Variants in CRMP1 observed in about 807,000 individuals in gnomAD.
CRMP1 encodes dihydropyrimidinase-related protein 1.
A neutral mutation model predicts 68.3 loss-of-function variants in CRMP1; 19 were observed. The ratio of observed to expected loss-of-function variants is 0.28; its 90% CI spans 0.19 to 0.41. CRMP1 has a LOEUF of 0.41. Ranked by LOEUF, CRMP1 falls within the 10% of genes least tolerant of loss-of-function variation. CRMP1 has a pLI of 1.00. For synonymous variants in CRMP1, 439 were observed against 399.6 expected, an observed-to-expected ratio of 1.10 and a Z score of -1.18; for missense variants, 791 against 967.4, an observed-to-expected ratio of 0.82 and a Z score of 2.42.
At chr4:5,828,699 G>A (rs1470717879) in intron 11 of CRMP1, 31 bp from the exon 12 acceptor site, 3 of 1,605,858 alleles carry the variant, frequency 1.9e-6, no homozygotes, top group Non-Finnish European at 2.6e-6. Flanking sequence ...TTACTTCCCA[G>A]GATTTGCTCT....
rs754859554 is a variant in CRMP1, at chr4:5,866,175, T to C, written c.470+493A>G. ...GAAACTCCAGCCCCAATGTCTATCT[T>C]TTCTTTAAGTGCCAAGGCTGGGCTT... is the stretch of plus-strand genomic sequence containing the variant. On this transcript the variant is annotated intron_variant, in intron 2 of 13. Transcript: ENST00000324989. This position sits in a 1 kb window ranked among gnomAD's most constrained non-coding sequence, Gnocchi z 5.9. 2.6e-5 allele frequency among the ~76,000 whole-genome samples: 4 copies of C among 152,164 alleles called. No individual in the cohort carries two copies. Among genetic ancestry groups the C allele is most frequent in the Admixed American group, 1.3e-4 (2 of 15,270 alleles).
intron 12 of CRMP1, among the ~76,000 whole-genome samples, chr4:5,827,735 A>G (rs1043214334): frequency 9.7e-5 from 14 of 143,786 alleles, no homozygotes; most frequent in Non-Finnish European, 1.5e-4. Flanking sequence ...GTGCGCGTGC[A>G]CACACACACA....
In CRMP1 at chr4:5,888,215, G is replaced by T; in HGVS notation, c.381+4374C>A. ...AAGGCCAGCGCGGGGCGGCGGGGGC[G>T]GGGGCCGCTTACCGTGATGTGCGGG... On this transcript the variant is annotated intron_variant, in intron 1 of 13. Coordinates refer to ENST00000324989, the MANE Select transcript of CRMP1 (RefSeq NM_001014809.3). The surrounding 1 kb of genome is among the most constrained non-coding windows in gnomAD (Gnocchi z 6.4). 7.9e-7 allele frequency: 1 copy of T among 1,264,572 alleles called. No individual in the cohort carries two copies. The highest frequency in any genetic ancestry group is 3.1e-5 in the East Asian group (1 of 32,296). The allele number at this position is 1,264,572 out of a possible 1,614,324, so 78.3% of individuals were successfully genotyped here. A position where few individuals can be genotyped will look rare whatever the true frequency, so the allele number is the denominator to read the frequency against.
intron 1 of CRMP1, among the ~76,000 whole-genome samples, chr4:5,871,664 G>C (rs76608812): frequency 6.6e-6 from 1 of 151,370 alleles, no homozygotes; most frequent in African/African-American, 2.4e-5. Flanking sequence ...CCCGCTCCCC[G>C]CCCACCAAAA....
At chr4:5,847,012 A>C (rs1163099617) in intron 6 of CRMP1, among the ~76,000 whole-genome samples, 1 of 152,074 alleles carries the variant, frequency 6.6e-6, no homozygotes, top group Non-Finnish European at 1.5e-5. Flanking sequence ...GACTCAGAGG[A>C]TGGAAGCAGG....
chr4:5,861,078 A>T lies in CRMP1; in HGVS notation c.603T>A (p.Asp201Glu), dbSNP rs1713515717. ...QKPSQGMTAA[D>E]DFFQGTRAAL... is the part of the protein sequence containing the mutation. ...CCGCCCTGGTCCCTTGGAAGAAGTC[A>T]TCAGCCGCAGTCATCCCCTGGGAGG... is the stretch of plus-strand genomic sequence containing the variant. The change falls in exon 3 of 14, where the codon GAT becomes GAA. Residue 201 changes from aspartate to glutamate, a missense_variant. By Grantham distance (45) the Asp-to-Glu change is conservative. Around this residue, in one of 3 missense-constraint regions of CRMP1, gnomAD observed 594 missense variants for 763.6 expected, o/e 0.78. Transcript: ENST00000324989. The surrounding 1 kb of genome is among the most constrained non-coding windows in gnomAD (Gnocchi z 6.0). 1.2e-6 allele frequency: 2 copies of T among 1,614,234 alleles called. No individual in the cohort carries two copies. The highest frequency in any genetic ancestry group is 1.7e-6 in the Non-Finnish European group (2 of 1,180,044).
chr4:5,874,213 G>T (rs1412681150), intron 1 of CRMP1, among the ~76,000 whole-genome samples: 3 of 152,172 alleles, frequency 2.0e-5, no homozygotes, highest in African/African-American at 7.2e-5. Context: ...AATTACAATG[G>T]TATAACCACA....
chr4:5,892,739 C>T lies in CRMP1; in HGVS notation c.231G>A (p.Gly77=), dbSNP rs573072210. 3.3e-6 allele frequency: 4 copies of T among 1,225,162 alleles called. No homozygotes were observed. Among genetic ancestry groups the T allele is most frequent in the Admixed American group, 4.4e-5 (1 of 22,804 alleles). The allele number at this position is 1,225,162 out of a possible 1,614,324, so 75.9% of individuals were successfully genotyped here. A position where few individuals can be genotyped will look rare whatever the true frequency, so the allele number is the denominator to read the frequency against. The change falls in exon 1 of 14, where the codon GGG becomes GGA. Residue 77 remains glycine (G), a synonymous_variant. Transcript: ENST00000324989. This position sits in a 1 kb window ranked among gnomAD's most constrained non-coding sequence, Gnocchi z 8.6. ...AGRPDAVGLP[G]PGGSEDTASD... is the part of the protein sequence containing the mutation. The stretch of plus-strand genomic sequence containing the variant: ...TGGCCGTGTCCTCGCTGCCTCCCGG[C>T]CCTGGCAGCCCGACCGCGTCGGGCC...
rs557985362 is a variant in CRMP1 at position 5,840,746 on chromosome 4, C to T, written c.1153+562G>A. On this transcript the variant is annotated intron_variant, in intron 8 of 13. Transcript: ENST00000324989. ...TACCCGCTCCCGGCTGGTACCGCTT[C>T]CAGATTTCTGTAACCTCTCTGAGCC... 3.9e-5 allele frequency among the ~76,000 whole-genome samples: 6 copies of T among 152,328 alleles called. No individual in the cohort carries two copies. In the South Asian group the frequency reaches 1.2e-3, roughly 32 times the overall value.
chr4:5,882,690 G>C (rs890465116), intron 1 of CRMP1, among the ~76,000 whole-genome samples: 1 of 152,202 alleles, frequency 6.6e-6, no homozygotes, highest in African/African-American at 2.4e-5. Flanking sequence ...AGGATTCAAA[G>C]CCAGATAGTC....
At chr4:5,849,560 A>C (rs1224667930) in intron 5 of CRMP1, 88 bp from the exon 6 acceptor site, 7 of 849,268 alleles carry the variant, frequency 8.2e-6, no homozygotes, top group South Asian at 1.6e-5. Context: ...TTCCGATCAC[A>C]CCCATTCGGT....
At chr4:5,835,893 G>T (rs760312187) in intron 11 of CRMP1, 22 bp downstream of exon 11, 3 of 1,430,256 alleles carry the variant, frequency 2.1e-6, no homozygotes, top group South Asian at 1.7e-5. Flanking sequence ...TATCTCAGCA[G>T]CACAAATAGG....
At chr4:5,840,229 G>A (rs1279115181) in intron 8 of CRMP1, among the ~76,000 whole-genome samples, 1 of 152,214 alleles carries the variant, frequency 6.6e-6, no homozygotes, top group African/African-American at 2.4e-5. Flanking sequence ...CACCCCAGGG[G>A]AAAGGGAGTT....
chr4:5,843,341 A>G lies in CRMP1; in HGVS notation c.964-180T>C, dbSNP rs116314406. 0.092 allele frequency among the ~76,000 whole-genome samples: 14,018 copies of G among 152,104 alleles called. 706 individuals are homozygous for G. Among genetic ancestry groups the G allele is most frequent in the Non-Finnish European group, 0.11 (7,411 of 67,950 alleles). ...ACTGTGTCCCCTCCACTACACACCCATCCACCTTCCCCTTTGTAGCCCTGC... is the reference window on the plus strand; with the variant it reads ...ACTGTGTCCCCTCCACTACACACCCGTCCACCTTCCCCTTTGTAGCCCTGC... On this transcript the variant is annotated intron_variant, in intron 6 of 13. Transcript: ENST00000324989. This position sits in a 1 kb window ranked among gnomAD's most constrained non-coding sequence, Gnocchi z 4.1.
At position 5,860,780 on chromosome 4, in the gene CRMP1, TTAAAAA is replaced by T. The variant is rs1713492050; in HGVS notation, c.655+240_655+245del. On this transcript the variant is annotated intron_variant, in intron 3 of 13. Transcript: ENST00000324989. The surrounding 1 kb of genome is among the most constrained non-coding windows in gnomAD (Gnocchi z 4.2). ...TGAGATGTTGTTTTATTTCAATATTTTAAAAATAATTTTTTAAAATTGGTACCTATA... is the reference window on the plus strand; with the variant it reads ...TGAGATGTTGTTTTATTTCAATATTTTAATTTTTTAAAATTGGTACCTATA... Among the ~76,000 whole-genome samples the T allele has an allele frequency of 6.6e-6, 1 of 152,234 alleles. No homozygotes were observed. Among genetic ancestry groups the T allele is most frequent in the Non-Finnish European group, 1.5e-5 (1 of 68,048 alleles).
In CRMP1 at chr4:5,891,081, T is replaced by G. The variant is rs1450040672; in HGVS notation, c.381+1508A>C. 6.7e-6 allele frequency among the ~76,000 whole-genome samples: 1 copy of G among 150,186 alleles called. No homozygotes were observed. Among genetic ancestry groups the G allele is most frequent in the Non-Finnish European group, 1.5e-5 (1 of 67,634 alleles). On this transcript the variant is annotated intron_variant, in intron 1 of 13. Coordinates refer to ENST00000324989, the MANE Select transcript of CRMP1 (RefSeq NM_001014809.3). This position sits in a 1 kb window ranked among gnomAD's most constrained non-coding sequence, Gnocchi z 5.2. ...AGAGAGGTCGGACCACCAGGGAAGGTAGTGGACAGGGGGAGATACAGAAGG... is the reference window on the plus strand; with the variant it reads ...AGAGAGGTCGGACCACCAGGGAAGGGAGTGGACAGGGGGAGATACAGAAGG...
intron 1 of CRMP1, among the ~76,000 whole-genome samples, chr4:5,882,791 G>T (rs1345651662): frequency 6.6e-6 from 1 of 152,158 alleles, no homozygotes; most frequent in East Asian, 1.9e-4. Flanking sequence ...AACCAAAGAA[G>T]AAGATCAGAG....
chr4:5,842,594 TCTCTCA>T lies in CRMP1; in HGVS notation c.1032+493_1032+498del, dbSNP rs766661885. Reference sequence around the variant, plus strand: ...TGCACATGCACCCACACTCACACACTCTCTCACACACACACACACACACTCACTCAC... The same window carrying T: ...TGCACATGCACCCACACTCACACACTCACACACACACACACACTCACTCAC... On this transcript the variant is annotated intron_variant, in intron 7 of 13. Transcript: ENST00000324989. The surrounding 1 kb of genome is among the most constrained non-coding windows in gnomAD (Gnocchi z 4.5). 1.5e-4 allele frequency among the ~76,000 whole-genome samples: 16 copies of T among 103,964 alleles called. No individual in the cohort carries two copies. The highest frequency in any genetic ancestry group is 2.8e-4 in the African/African-American group (7 of 24,882). 68.2% of individuals were successfully genotyped at this position (103,964 alleles called of 152,430 possible). A position where few individuals can be genotyped will look rare whatever the true frequency, so the allele number is the denominator to read the frequency against.
chr4:5,825,490 C>G lies in CRMP1; in HGVS notation c.1969+4G>C, dbSNP rs376336209. The G allele has an allele frequency of 1.3e-6, 2 of 1,567,760 alleles. No individual in the cohort carries two copies. The highest frequency in any genetic ancestry group is 1.7e-6 in the Non-Finnish European group (2 of 1,164,056). ...GGGGAGCCTGGGCCACCACTCTTTC[C>G]TACCTGATAAGCTGAAGTTGGACTG... is the stretch of plus-strand genomic sequence containing the variant. On this transcript the variant is annotated splice_donor_region_variant and intron_variant, in intron 13 of 13. Coordinates refer to ENST00000324989, the MANE Select transcript of CRMP1 (RefSeq NM_001014809.3). The surrounding 1 kb of genome is among the most constrained non-coding windows in gnomAD (Gnocchi z 4.4).
Sources: gnomAD v4.1 joint callset for allele counts (sites outside exome capture counted in the v4.1 genomes callset) on GRCh38, gnomAD v4.1.1 for gene constraint, gnomAD v4.1.1 regional missense constraint, Gnocchi (gnomAD v3.1) non-coding constraint, MANE v1.5 for transcripts, NCBI Gene and HGNC (gene_info 2026-07-23, HGNC 2026-07-21) for gene names.